PXDNL: variants seen among roughly 807,000 people sequenced by gnomAD.
The protein encoded by PXDNL is probable oxidoreductase PXDNL.
Under a neutral mutation model 150.8 loss-of-function variants are expected in PXDNL, and 145 were observed. That is an observed-to-expected ratio of 0.96 (90% CI 0.84 to 1.10). The LOEUF (loss-of-function observed/expected upper bound fraction) is 1.10, where lower values mean the gene tolerates loss of function less well. Ranked by LOEUF, PXDNL falls within the 50% of genes least tolerant of loss-of-function variation. PXDNL has a pLI of 0.00. For missense variants in PXDNL, 2,087 were observed against 1,873.9 expected, an observed-to-expected ratio of 1.11 and a Z score of -2.10; for synonymous variants, 757 against 725.7, an observed-to-expected ratio of 1.04 and a Z score of -0.69.
chr8:51,611,320 T>C (rs1464810526), intron 2 of PXDNL, among the ~76,000 whole-genome samples: 1 of 152,190 alleles, frequency 6.6e-6, no homozygotes, highest in Admixed American at 6.5e-5. Flanking sequence ...AGCATAGCAG[T>C]TACTTCGATC....
intron 8 of PXDNL, among the ~76,000 whole-genome samples, 175 bp from the exon 9 acceptor site, chr8:51,457,842 A>G (rs970012048): frequency 1.3e-5 from 2 of 152,162 alleles, no homozygotes; most frequent in African/African-American, 4.8e-5. Context: ...TCTTGTTCCT[A>G]TTTCAAGAAT....
At position 51,625,659 on chromosome 8, in the gene PXDNL, T is replaced by C. The variant is rs1183559022; in HGVS notation, c.236+29030A>G. On this transcript the variant is annotated intron_variant, in intron 2 of 22. Coordinates refer to ENST00000356297, the MANE Select transcript of PXDNL (RefSeq NM_144651.5). ...AGAACATGATAGCACATGACTGGAATTGCTTAAAGGAAAAATCAAGTTGGT... is the reference window on the plus strand; with the variant it reads ...AGAACATGATAGCACATGACTGGAACTGCTTAAAGGAAAAATCAAGTTGGT... 4.6e-5 allele frequency among the ~76,000 whole-genome samples: 7 copies of C among 152,112 alleles called. No individual in the cohort carries two copies. The East Asian group carries it at 1.3e-3, about 29-fold the overall frequency.
chr8:51,709,462 G>A (rs551982477), intron 1 of PXDNL, among the ~76,000 whole-genome samples: 22 of 151,996 alleles, frequency 1.4e-4, no homozygotes, highest in African/African-American at 4.3e-4. Context: ...CACCGTGTTC[G>A]CCAGGATGTT....
At chr8:51,404,739 T>C (rs1808387002) in intron 17 of PXDNL, among the ~76,000 whole-genome samples, 1 of 152,188 alleles carries the variant, frequency 6.6e-6, no homozygotes, top group South Asian at 2.1e-4. Context: ...CCCACTAGAC[T>C]CAGGAGCCCA....
At chr8:51,693,679 AG>A (rs1229625430) in intron 1 of PXDNL, among the ~76,000 whole-genome samples, 16 of 152,042 alleles carry the variant, frequency 1.1e-4, no homozygotes, top group Non-Finnish European at 1.8e-4. Context: ...CTGAGGTGAA[AG>A]GATCAATTGA....
intron 1 of PXDNL, among the ~76,000 whole-genome samples, chr8:51,716,499 C>T (rs1163187131): frequency 6.6e-6 from 1 of 152,164 alleles, no homozygotes; most frequent in African/African-American, 2.4e-5. Context: ...TAAACTACTG[C>T]ACTCTTGCTG....
At chr8:51,400,549 C>T (rs1808216804) in intron 17 of PXDNL, among the ~76,000 whole-genome samples, 1 of 152,122 alleles carries the variant, frequency 6.6e-6, no homozygotes, top group Non-Finnish European at 1.5e-5. Flanking sequence ...TTTTGCTAGA[C>T]AAATAGAGCT....
intron 12 of PXDNL, among the ~76,000 whole-genome samples, chr8:51,442,230 T>C (rs566656253): frequency 2.6e-5 from 4 of 151,278 alleles, no homozygotes; most frequent in Non-Finnish European, 5.9e-5. Context: ...GGGTTACATA[T>C]TGTTTTCTAA....
intron 16 of PXDNL, among the ~76,000 whole-genome samples, chr8:51,410,056 T>C (rs1223444854): frequency 6.6e-6 from 1 of 152,258 alleles, no homozygotes; most frequent in Non-Finnish European, 1.5e-5. Context: ...GTTTGTTTCA[T>C]TTCAGAATTT....
At chr8:51,650,538 A>T (rs1358423535) in intron 2 of PXDNL, among the ~76,000 whole-genome samples, 2 of 152,072 alleles carry the variant, frequency 1.3e-5, no homozygotes, top group Non-Finnish European at 2.9e-5. Context: ...TACCATGACC[A>T]TTTTCCAATA....
intron 21 of PXDNL, among the ~76,000 whole-genome samples, chr8:51,338,616 G>A (rs1805901829): frequency 6.6e-6 from 1 of 152,236 alleles, no homozygotes. Context: ...ATGAAGAAAA[G>A]CATATACCTC....
chr8:51,380,734 G>A (rs1348319286), intron 17 of PXDNL, among the ~76,000 whole-genome samples: 1 of 151,990 alleles, frequency 6.6e-6, no homozygotes, highest in East Asian at 1.9e-4. Context: ...GTTTTTAAAT[G>A]GAATGCTTCT....
intron 1 of PXDNL, among the ~76,000 whole-genome samples, chr8:51,663,944 G>C (rs561411777): frequency 1.3e-5 from 2 of 151,884 alleles, no homozygotes. Context: ...CCAGCTACTT[G>C]GGAGGCTGAG....
intron 17 of PXDNL, among the ~76,000 whole-genome samples, chr8:51,379,939 T>C (rs1807481079): frequency 6.6e-6 from 1 of 152,156 alleles, no homozygotes; most frequent in Non-Finnish European, 1.5e-5. Context: ...CTTGCAGCTC[T>C]TTCAAATAGG....
intron 3 of PXDNL, among the ~76,000 whole-genome samples, chr8:51,569,680 T>A (rs769195679): frequency 1.3e-5 from 2 of 151,948 alleles, no homozygotes; most frequent in African/African-American, 4.8e-5. Flanking sequence ...TTACTCATCA[T>A]ATTTTTTTCA....
Position 51,463,132 on chromosome 8 carries a change from T to C in PXDNL, c.813-5465A>G, listed in dbSNP as rs150652741. ...GCCTTATAAGAGGACCTTAAGGGAG[T>C]TCTAAACATGGAAACAAAAGAATGA... On this transcript the variant is annotated intron_variant, in intron 8 of 22. Coordinates refer to ENST00000356297, the MANE Select transcript of PXDNL (RefSeq NM_144651.5). Among the ~76,000 whole-genome samples the C allele has an allele frequency of 4.6e-3, 687 of 150,984 alleles. 3 individuals are homozygous for C. The highest frequency in any genetic ancestry group is 7.4e-3 in the Non-Finnish European group (497 of 67,558).
rs2037498330 is a variant in PXDNL at position 51,790,264 on chromosome 8, A to T, written c.164+18917T>A. Among the ~76,000 whole-genome samples, 2 of 152,104 alleles carry T rather than the reference A, an allele frequency of 1.3e-5. 1 individual carries two copies. The highest frequency in any genetic ancestry group is 4.1e-4 in the South Asian group (2 of 4,824). ...AAGAGAATGAAATGAAATATCATTC[A>T]AAAGGAAGAGGAGGACGATTCTTTG... On this transcript the variant is annotated intron_variant, in intron 1 of 22. Transcript: ENST00000356297.
chr8:51,678,088 A>G (rs1457380757), intron 1 of PXDNL, among the ~76,000 whole-genome samples: 1 of 152,210 alleles, frequency 6.6e-6, no homozygotes, highest in Non-Finnish European at 1.5e-5. Flanking sequence ...ATCGTGTATG[A>G]AGAAGGATAT....
chr8:51,494,245 C>T (rs573929945), intron 5 of PXDNL, among the ~76,000 whole-genome samples: 13 of 152,126 alleles, frequency 8.5e-5, no homozygotes, highest in South Asian at 8.3e-4. Context: ...GACTTTGTCA[C>T]CACCAGGCCT....
Sources: gnomAD v4.1 joint callset for allele counts (sites outside exome capture counted in the v4.1 genomes callset) on GRCh38, gnomAD v4.1.1 for gene constraint, MANE v1.5 for transcripts, NCBI Gene and HGNC (gene_info 2026-07-23, HGNC 2026-07-21) for gene names.